GNB1: variants seen among roughly 807,000 people sequenced by gnomAD.
GNB1 encodes G protein subunit beta 1.
In GNB1, 2 loss-of-function variants were observed where a neutral mutation model predicts 42.9. That is an observed-to-expected ratio of 0.05 (90% confidence interval 0.02 to 0.15). The LOEUF (loss-of-function observed/expected upper bound fraction) is 0.15. GNB1 is among the 10% of genes least tolerant of loss of function. The probability of loss-of-function intolerance (pLI) is 1.00; values close to 1 mark genes in which losing one functional copy is unlikely to be tolerated. For synonymous variants in GNB1, 183 were observed against 174.7 expected (o/e 1.05, Z -0.38); for missense variants, 193 against 462.2 (o/e 0.42, Z 5.34).
intron 1 of GNB1, among the ~76,000 whole-genome samples, chr1:1,863,881 G>A (rs1325187767): frequency 3.3e-5 from 5 of 152,186 alleles, no homozygotes; most frequent in African/African-American, 1.2e-4. Flanking sequence ...TCTGTGGGAG[G>A]TGGTGTTGCA....
chr1:1,831,202 TGGAAC>T (rs1647071156), intron 2 of GNB1, among the ~76,000 whole-genome samples: 1 of 151,928 alleles, frequency 6.6e-6, no homozygotes, highest in African/African-American at 2.4e-5. Flanking sequence ...CTGGGTATCG[TGGAAC>T]GTGCCTGTAG....
chr1:1,887,476 G>T (rs1003591523), intron 1 of GNB1, among the ~76,000 whole-genome samples: 2 of 152,196 alleles, frequency 1.3e-5, no homozygotes, highest in African/African-American at 4.8e-5. Flanking sequence ...AAAGGGAAGA[G>T]AACAAAGCTC....
intron 1 of GNB1, among the ~76,000 whole-genome samples, chr1:1,864,314 C>CAAAAAAAAAA (rs1173466617): frequency 0.016 from 599 of 37,868 alleles, 38 homozygotes; most frequent in Non-Finnish European, 0.021. Flanking sequence ...AAGACTCTCT[C>CAAAAAAAAAA]AAAAAAAAAA....
intron 1 of GNB1, among the ~76,000 whole-genome samples, chr1:1,841,592 T>G (rs1447943184): frequency 1.3e-5 from 2 of 152,364 alleles, no homozygotes; most frequent in East Asian, 3.9e-4. Context: ...ATTCAGTGTC[T>G]TGTGAGTCTG....
chr1:1,828,045 G>A (rs2101020804), intron 2 of GNB1, among the ~76,000 whole-genome samples: 1 of 152,274 alleles, frequency 6.6e-6, no homozygotes, highest in African/African-American at 2.4e-5. Flanking sequence ...TTCCGGCTGG[G>A]GGCGGTGGCT....
chr1:1,820,240 G>C (rs898006976), intron 3 of GNB1, among the ~76,000 whole-genome samples: 1 of 150,944 alleles, frequency 6.6e-6, no homozygotes, highest in Admixed American at 6.7e-5. Flanking sequence ...ACCTGTAATC[G>C]TAACTATTTG....
At chr1:1,872,160 C>T (rs188249414) in intron 1 of GNB1, among the ~76,000 whole-genome samples, 4 of 152,194 alleles carry the variant, frequency 2.6e-5, no homozygotes, top group Admixed American at 1.3e-4. Context: ...TGCTACAATG[C>T]CCAGCTAATT....
chr1:1,843,863 C>T (rs1647463382), intron 1 of GNB1, among the ~76,000 whole-genome samples: 1 of 151,866 alleles, frequency 6.6e-6, no homozygotes, highest in Non-Finnish European at 1.5e-5. Context: ...AGTTCGAGAC[C>T]AGCCTGGCCA....
chr1:1,800,029 T>C (rs553169550), intron 7 of GNB1, among the ~76,000 whole-genome samples: 109 of 152,278 alleles, frequency 7.2e-4, no homozygotes, highest in African/African-American at 2.5e-3. Context: ...AAGACAGAGA[T>C]AGACTGCCTG....
At chr1:1,846,234 G>A (rs576971185) in intron 1 of GNB1, among the ~76,000 whole-genome samples, 10 of 151,986 alleles carry the variant, frequency 6.6e-5, no homozygotes, top group African/African-American at 2.4e-4. Flanking sequence ...GAGGAAAAGC[G>A]AAGCTCTTCT....
At chr1:1,835,791 G>A (rs1647138725) in intron 2 of GNB1, among the ~76,000 whole-genome samples, 1 of 151,966 alleles carries the variant, frequency 6.6e-6, no homozygotes, top group African/African-American at 2.4e-5. Flanking sequence ...GAAAATGCCA[G>A]GCCAGGTGCA....
intron 1 of GNB1, among the ~76,000 whole-genome samples, chr1:1,845,701 G>C (rs750014424): frequency 7.9e-5 from 12 of 152,242 alleles, no homozygotes; most frequent in Non-Finnish European, 1.5e-4. Context: ...CACTGGAGAA[G>C]GGAGGCACAA....
At chr1:1,811,036 G>T (rs1463716004) in intron 5 of GNB1, among the ~76,000 whole-genome samples, 1 of 150,624 alleles carries the variant, frequency 6.6e-6, no homozygotes, top group Non-Finnish European at 1.5e-5. Context: ...ACCCAGGCGG[G>T]AGTGCAATGC....
At chr1:1,864,105 G>A (rs896579263) in intron 1 of GNB1, among the ~76,000 whole-genome samples, 3 of 151,532 alleles carry the variant, frequency 2.0e-5, no homozygotes, top group South Asian at 2.1e-4. Context: ...GGTGGATCAC[G>A]AGGTCAGGAG....
intron 1 of GNB1, among the ~76,000 whole-genome samples, chr1:1,882,834 T>C (rs1448627453): frequency 5.9e-5 from 9 of 151,484 alleles, no homozygotes; most frequent in Non-Finnish European, 8.8e-5. Context: ...GGCAGGAGAA[T>C]TGTTTGAACC....
chr1:1,807,438 T>C (rs1193066809), intron 5 of GNB1, among the ~76,000 whole-genome samples: 7 of 111,918 alleles, frequency 6.3e-5, no homozygotes, highest in African/African-American at 1.8e-4. Context: ...CACTCTAGCC[T>C]GGGCAACAGA....
At chr1:1,838,700 T>C (rs544845761) in intron 2 of GNB1, among the ~76,000 whole-genome samples, 10 of 152,162 alleles carry the variant, frequency 6.6e-5, no homozygotes, top group Admixed American at 5.2e-4. Flanking sequence ...CAACCTGACC[T>C]CCCAAAGTGC....
chr1:1,824,840 C>A (rs1429485210), intron 3 of GNB1: 3 of 152,192 alleles, frequency 2.0e-5, no homozygotes, highest in African/African-American at 7.2e-5. Flanking sequence ...TCCCAAACTG[C>A]TGGGATTCCA....
rs144020367 is a variant in GNB1 at position 1,817,213 on chromosome 1, T to A, written c.96+624A>T. ...ACTAAACAATACATAGCCATTTGTT[T>A]GGCTTCTCTCACTATCGTAATATTT... On this transcript the variant is annotated intron_variant, in intron 4 of 11. Transcript: ENST00000378609. 5.3e-4 allele frequency among the ~76,000 whole-genome samples: 80 copies of A among 152,374 alleles called. No homozygotes were observed. The East Asian group carries it at 5.8e-3, about 11-fold the overall frequency.
Sources: allele counts gnomAD v4.1 joint callset (sites outside exome capture counted in the v4.1 genomes callset), GRCh38; gene constraint gnomAD v4.1.1; transcripts MANE v1.5; gene names NCBI Gene and HGNC (gene_info 2026-07-23, HGNC 2026-07-21).